The following SORCS2 variants were observed in gnomAD, a reference collection of about 807,000 sequenced individuals.
SORCS2 encodes sortilin related VPS10 domain containing receptor 2.
Under a neutral mutation model 141.6 loss-of-function variants are expected in SORCS2, and 100 were observed. The observed-to-expected ratio is 0.71, with a 90% CI of 0.60 to 0.83. The LOEUF is 0.83. Ranked by LOEUF, SORCS2 falls within the 40% of genes least tolerant of loss-of-function variation. The pLI, the probability that SORCS2 is intolerant of heterozygous loss-of-function variation, is 0.00. For missense variants in SORCS2, 1,646 were observed against 1,560.2 expected (o/e 1.05, Z -0.93); for synonymous variants, 789 against 676.9 (o/e 1.17, Z -2.57).
chr4:7,715,237 T>C lies in SORCS2; in HGVS notation c.2178T>C (p.Ser726=). The C allele has an allele frequency of 6.2e-7, 1 of 1,613,986 alleles. No individual in the cohort carries two copies. The highest frequency in any genetic ancestry group is 8.5e-7 in the Non-Finnish European group (1 of 1,179,866). The change falls in exon 17 of 27, where the codon TCT becomes TCC. Residue 726 remains serine (S), a synonymous_variant. Transcript: ENST00000507866. ...CAGAGTCCAGCACCAACAAGTGCTC[T>C]GCCAACTTCTGGTTTAACCCATTGT... is the stretch of plus-strand genomic sequence containing the variant. The part of the protein sequence containing the change: ...SSSESSTNKC[S]ANFWFNPLSP...
intron 2 of SORCS2, among the ~76,000 whole-genome samples, chr4:7,410,901 C>G (rs1725256632): frequency 6.7e-6 from 1 of 148,468 alleles, no homozygotes; most frequent in South Asian, 2.2e-4. Flanking sequence ...TTTGAGGAGA[C>G]TTCTCAGCAT....
chr4:7,436,164 A>G (rs1727286599), intron 2 of SORCS2, among the ~76,000 whole-genome samples: 1 of 152,206 alleles, frequency 6.6e-6, no homozygotes, highest in African/African-American at 2.4e-5. Context: ...GGACAGTCTT[A>G]GGGAACAGGT....
chr4:7,731,568 G>A (rs1416795954), intron 23 of SORCS2, among the ~76,000 whole-genome samples: 1 of 152,154 alleles, frequency 6.6e-6, no homozygotes, highest in Non-Finnish European at 1.5e-5. Flanking sequence ...TTCACAATGC[G>A]TTACAAAGTT....
intron 2 of SORCS2, among the ~76,000 whole-genome samples, chr4:7,408,938 A>G (rs1261351599): frequency 2.0e-5 from 3 of 152,080 alleles, no homozygotes; most frequent in Non-Finnish European, 2.9e-5. Context: ...CTCAGTTCCA[A>G]GATTTCTCTC....
At chr4:7,636,047 A>G (rs1396648434) in intron 3 of SORCS2, among the ~76,000 whole-genome samples, 2 of 152,226 alleles carry the variant, frequency 1.3e-5, no homozygotes, top group Non-Finnish European at 2.9e-5. Context: ...CAAGGCCACC[A>G]TAGTCGCCTC....
In SORCS2 at chr4:7,367,038, A is replaced by G. The variant is rs961839353; in HGVS notation, c.481-29250A>G. ...CCCAAGCCGGCTGCCCCAGAGGAAG[A>G]CACCAAGCAGTGGTGGATGTTAAAA... On this transcript the variant is annotated intron_variant, in intron 1 of 26. Coordinates refer to ENST00000507866, the MANE Select transcript of SORCS2 (RefSeq NM_020777.3). Among the ~76,000 whole-genome samples the G allele has an allele frequency of 4.6e-5, 7 of 152,328 alleles. No individual in the cohort carries two copies. In the East Asian group the frequency reaches 1.4e-3, roughly 29 times the overall value.
intron 4 of SORCS2, among the ~76,000 whole-genome samples, chr4:7,650,436 G>A (rs1721360791): frequency 6.6e-6 from 1 of 152,200 alleles, no homozygotes; most frequent in African/African-American, 2.4e-5. Flanking sequence ...CTCAAAGCGG[G>A]AGGCCAGATT....
chr4:7,457,909 G>A lies in SORCS2; in HGVS notation c.548+61554G>A, dbSNP rs138803166. ...GGAGAGGTCAGGAGGGCTGCAGGGCGGGGGTGTCCACACCACTAGCCCGAG... is the reference window on the plus strand; with the variant it reads ...GGAGAGGTCAGGAGGGCTGCAGGGCAGGGGTGTCCACACCACTAGCCCGAG... On this transcript the variant is annotated intron_variant, in intron 2 of 26. Coordinates refer to ENST00000507866, the MANE Select transcript of SORCS2 (RefSeq NM_020777.3). Among the ~76,000 whole-genome samples, 689 of 152,256 alleles carry A rather than the reference G, an allele frequency of 4.5e-3. 7 individuals carry two copies. Among genetic ancestry groups the A allele is most frequent in the African/African-American group, 0.016 (659 of 41,548 alleles).
intron 2 of SORCS2, among the ~76,000 whole-genome samples, chr4:7,426,533 GAGCAATGT>G (rs1726450320): frequency 6.6e-6 from 1 of 152,166 alleles, no homozygotes; most frequent in Non-Finnish European, 1.5e-5. Flanking sequence ...AGACCAGCCT[GAGCAATGT>G]AGCAAGACCC....
chr4:7,664,415 G>T lies in SORCS2; in HGVS notation c.1015G>T (p.Ala339Ser). 2.5e-6 allele frequency: 4 copies of T among 1,613,880 alleles called. No homozygotes were observed. The highest frequency in any genetic ancestry group is 3.4e-6 in the Non-Finnish European group (4 of 1,179,834). ...CGAGAAGATGCTGACAGCCCCATTC[G>T]CAGGCCCCATTGACCACGGGTCTCT... ...CSEKMLTAPFAGPIDHGSLTV... is the reference protein window; with the variant it reads ...CSEKMLTAPFSGPIDHGSLTV... The change falls in exon 7 of 27, where the codon GCA (alanine) becomes TCA (serine). Residue 339 changes from alanine to serine, a missense_variant. Ala to Ser is a moderately conservative substitution (Grantham distance 99, BLOSUM62 1). Transcript: ENST00000507866. This position sits in a 1 kb window ranked among gnomAD's most constrained non-coding sequence, Gnocchi z 4.7.
At chr4:7,639,480 G>C (rs78150007) in intron 4 of SORCS2, among the ~76,000 whole-genome samples, 2,208 of 151,514 alleles carry the variant, frequency 0.015, 60 homozygotes, top group African/African-American at 0.05. Flanking sequence ...GTGTGAATGG[G>C]TGTGAATGTG....
rs754555165 is a variant in SORCS2, at chr4:7,664,340, C to T, written c.953-13C>T. On this transcript the variant is annotated splice_polypyrimidine_tract_variant and intron_variant, in intron 6 of 26. Transcript: ENST00000507866. The surrounding 1 kb of genome is among the most constrained non-coding windows in gnomAD (Gnocchi z 4.7). ...GGAGTCTGACCGCCTGGGTCGGCGC[C>T]TCTCTCCTGTAGATTTTCGGTACGT... 2.7e-5 allele frequency: 43 copies of T among 1,609,850 alleles called. No individual in the cohort carries two copies. The highest frequency in any genetic ancestry group is 3.6e-5 in the Non-Finnish European group (42 of 1,177,158).
chr4:7,649,472 C>T lies in SORCS2; in HGVS notation c.814-4662C>T, dbSNP rs1306698525. ...TGCTCTGCAGCTGCAGGACCGAGGGCTGAGAGCAGGGGTCCACGGAGATGG... is the reference window on the plus strand; with the variant it reads ...TGCTCTGCAGCTGCAGGACCGAGGGTTGAGAGCAGGGGTCCACGGAGATGG... On this transcript the variant is annotated intron_variant, in intron 4 of 26. Coordinates refer to ENST00000507866, the MANE Select transcript of SORCS2 (RefSeq NM_020777.3). 4.6e-5 allele frequency among the ~76,000 whole-genome samples: 7 copies of T among 152,140 alleles called. No homozygotes were observed. The East Asian group carries it at 1.4e-3, about 29-fold the overall frequency.
chr4:7,560,627 G>A (rs1163575528), intron 3 of SORCS2, among the ~76,000 whole-genome samples: 1 of 152,134 alleles, frequency 6.6e-6, no homozygotes, highest in Non-Finnish European at 1.5e-5. Flanking sequence ...CATCTTTGAA[G>A]GACAGTAAAG....
intron 2 of SORCS2, among the ~76,000 whole-genome samples, chr4:7,510,145 G>T (rs925441952): frequency 1.8e-4 from 28 of 152,206 alleles, no homozygotes; most frequent in African/African-American, 6.8e-4. Flanking sequence ...TGACCTGCGC[G>T]GGTTTCGGCA....
At position 7,480,667 on chromosome 4, in the gene SORCS2, G is replaced by A. The variant is rs371303983; in HGVS notation, c.549-50863G>A. On this transcript the variant is annotated intron_variant, in intron 2 of 26. Transcript: ENST00000507866. ...CAGGTGCCCCGGGTAGCCCAGAGCCGCGGCCAGAACCATGTGTGATATTGC... is the reference window on the plus strand; with the variant it reads ...CAGGTGCCCCGGGTAGCCCAGAGCCACGGCCAGAACCATGTGTGATATTGC... Among the ~76,000 whole-genome samples, 91 of 152,332 alleles carry A rather than the reference G, an allele frequency of 6.0e-4. No homozygotes were observed. In the East Asian group the frequency reaches 9.9e-3, roughly 17 times the overall value.
At chr4:7,206,119 A>G (rs1727719687) in intron 1 of SORCS2, among the ~76,000 whole-genome samples, 1 of 152,182 alleles carries the variant, frequency 6.6e-6, no homozygotes, top group Non-Finnish European at 1.5e-5. Flanking sequence ...GGCTGGAGGG[A>G]TGAGATGGGG....
intron 4 of SORCS2, among the ~76,000 whole-genome samples, chr4:7,639,436 G>A (rs773807926): frequency 2.6e-5 from 4 of 151,688 alleles, no homozygotes; most frequent in Admixed American, 1.3e-4. Context: ...ATGCACACTT[G>A]TAAGTGTGTG....
intron 19 of SORCS2, 54 bp downstream of exon 19, chr4:7,723,937 C>G (rs974117455): frequency 6.7e-7 from 1 of 1,500,366 alleles, no homozygotes; most frequent in African/African-American, 1.4e-5. Context: ...GAGAGAGAAC[C>G]TGGCTTTGGG....
Sources: gnomAD v4.1 joint callset for allele counts (sites outside exome capture counted in the v4.1 genomes callset) on GRCh38, gnomAD v4.1.1 for gene constraint, Gnocchi (gnomAD v3.1) non-coding constraint, MANE v1.5 for transcripts, NCBI Gene and HGNC (gene_info 2026-07-23, HGNC 2026-07-21) for gene names.